XCL1: variants seen among roughly 807,000 people sequenced by gnomAD.
The protein encoded by XCL1 is X-C motif chemokine ligand 1.
Under a neutral mutation model 7.4 loss-of-function variants are expected in XCL1, and 6 were observed. The observed-to-expected ratio is 0.82, with a 90% CI of 0.45 to 1.61. The LOEUF (loss-of-function observed/expected upper bound fraction) is 1.61, where lower values mean the gene tolerates loss of function less well. XCL1 is among the 40% of genes most tolerant of loss of function. XCL1 has a pLI of 0.01. For missense variants in XCL1, 122 were observed against 138.2 expected (o/e 0.88, Z 0.59); for synonymous variants, 48 against 52.4 (o/e 0.92, Z 0.36).
At chr1:168,578,813 G>T (rs1168084754) in intron 1 of XCL1, 6 of 448,386 alleles carry the variant, frequency 1.3e-5, no homozygotes, top group Admixed American at 5.1e-5. Context: ...TGTCTTCCTG[G>T]TTAACTTGTG....
chr1:168,578,743 C>T (rs915522966), intron 1 of XCL1: 90 of 436,918 alleles, frequency 2.1e-4, no homozygotes, highest in Non-Finnish European at 3.5e-4. Context: ...TTGCAGATCT[C>T]ATCATATCCG....
intron 2 of XCL1, 76 bp downstream of exon 2, chr1:168,580,253 G>A (rs2050131): frequency 0.027 from 40,040 of 1,489,508 alleles, 693 homozygotes; most frequent in Non-Finnish European, 0.031. Context: ...AAATGCTGCC[G>A]TCCTCAGGAA....
intron 1 of XCL1, among the ~76,000 whole-genome samples, chr1:168,577,937 A>T (rs1179941502): frequency 2.0e-5 from 3 of 152,194 alleles, no homozygotes; most frequent in African/African-American, 7.2e-5. Context: ...GCTTTGACTC[A>T]ATTTTGCAAC....
intron 1 of XCL1, among the ~76,000 whole-genome samples, chr1:168,578,236 A>T (rs1209906446): frequency 6.6e-6 from 1 of 152,218 alleles, no homozygotes; most frequent in Admixed American, 6.5e-5. Flanking sequence ...ATGATGAAGA[A>T]AAGCACACAA....
chr1:168,581,186 A>G lies in XCL1; in HGVS notation c.311A>G (p.Gln104Arg). The G allele has an allele frequency of 1.2e-6, 2 of 1,613,806 alleles. No individual in the cohort carries two copies. The highest frequency in any genetic ancestry group is 1.7e-6 in the Non-Finnish European group (2 of 1,179,786). Residue 104 changes from glutamine to arginine, a missense_variant, in exon 3 of 3, where the codon CAA (glutamine) becomes CGA (arginine). Coordinates refer to ENST00000367818, the MANE Select transcript of XCL1 (RefSeq NM_002995.3). ...CAGACCAAGCCAACAGGAACCCAGCAATCGACCAATACAGCTGTGACTCTG... is the reference window on the plus strand; with the variant it reads ...CAGACCAAGCCAACAGGAACCCAGCGATCGACCAATACAGCTGTGACTCTG... ...MIQTKPTGTQ[Q>R]STNTAVTLTG
intron 1 of XCL1, 33 bp from the exon 2 acceptor site, chr1:168,580,030 T>G: frequency 3.1e-6 from 5 of 1,594,132 alleles, no homozygotes; most frequent in Non-Finnish European, 4.3e-6. Context: ...TTGCTTTATT[T>G]TTAATTGTCT....
rs1655181251 is a variant in XCL1, at chr1:168,581,917, G to T, written c.*697G>T. 1 of 152,092 alleles carries T rather than the reference G, an allele frequency of 6.6e-6. No individual in the cohort carries two copies. The highest frequency in any genetic ancestry group is 2.1e-4 in the South Asian group (1 of 4,828). 9.4% of individuals were successfully genotyped at this position (152,092 alleles called of 1,614,324 possible). A position where few individuals can be genotyped will look rare whatever the true frequency, so the allele number is the denominator to read the frequency against. ...GACAATAATCTCACTACCTTATTAG[G>T]ATTTCTGTATTTGCCATTACGCTAG... On this transcript the variant is annotated 3_prime_UTR_variant, in exon 3 of 3. Coordinates refer to ENST00000367818, the MANE Select transcript of XCL1 (RefSeq NM_002995.3).
intron 1 of XCL1, among the ~76,000 whole-genome samples, chr1:168,578,425 T>C (rs539192355): frequency 1.3e-5 from 2 of 152,246 alleles, no homozygotes; most frequent in African/African-American, 2.4e-5. Flanking sequence ...AAACTTGGAT[T>C]AGATTTCACC....
In XCL1 at chr1:168,580,117, G is replaced by T. The variant is rs370443176; in HGVS notation, c.116G>T (p.Arg39Leu). 63 of 1,613,010 alleles carry T rather than the reference G, an allele frequency of 3.9e-5. No homozygotes were observed. The highest frequency in any genetic ancestry group is 5.2e-5 in the Non-Finnish European group (61 of 1,179,526). ...KRTCVSLTTQ[R>L]LPVSRIKTYT... Reference sequence around the variant, plus strand: ...ACCTGTGTGAGCCTCACTACCCAGCGACTGCCGGTTAGCAGAATCAAGACC... The same window carrying T: ...ACCTGTGTGAGCCTCACTACCCAGCTACTGCCGGTTAGCAGAATCAAGACC... Residue 39 changes from arginine to leucine, a missense_variant, in exon 2 of 3, where the codon CGA (arginine) becomes CTA (leucine). Transcript: ENST00000367818.
Position 168,581,274 on chromosome 1 carries a change from G to C in XCL1, c.*54G>C, listed in dbSNP as rs15785. On this transcript the variant is annotated 3_prime_UTR_variant, in exon 3 of 3. Coordinates refer to ENST00000367818, the MANE Select transcript of XCL1 (RefSeq NM_002995.3). The stretch of plus-strand genomic sequence containing the variant: ...CCAGCCAGCTCATTTCACTTTACAC[G>C]CTCATGGACTGAGTTTATACTCACC... 0.11 allele frequency: 180,751 copies of C among 1,589,790 alleles called. 11,152 individuals are homozygous for C. Among genetic ancestry groups the C allele is most frequent in the East Asian group, 0.24 (10,541 of 44,438 alleles).
Position 168,581,032 on chromosome 1 carries a change from G to A in XCL1, c.177-20G>A. ...TTTGAGAATGTGGCTAACTTCGTCTGTCTTTTCCTTGCGTTACAGTTTTAT... is the reference window on the plus strand; with the variant it reads ...TTTGAGAATGTGGCTAACTTCGTCTATCTTTTCCTTGCGTTACAGTTTTAT... On this transcript the variant is annotated intron_variant, in intron 2 of 2. Coordinates refer to ENST00000367818, the MANE Select transcript of XCL1 (RefSeq NM_002995.3). 6.2e-7 allele frequency: 1 copy of A among 1,612,300 alleles called. No individual in the cohort carries two copies.
intron 2 of XCL1, among the ~76,000 whole-genome samples, chr1:168,580,548 C>G (rs1440067214): frequency 1.3e-5 from 2 of 152,046 alleles, no homozygotes; most frequent in Admixed American, 6.6e-5. Context: ...GAGTCCCATA[C>G]TTTTATCAGT....
chr1:168,581,177 G>A lies in XCL1; in HGVS notation c.302G>A (p.Gly101Glu), dbSNP rs555526797. The A allele has an allele frequency of 2.7e-5, 43 of 1,613,742 alleles. No homozygotes were observed. In the African/African-American group the frequency reaches 5.3e-4, roughly 20 times the overall value. Reference sequence around the variant, plus strand: ...AACATGATCCAGACCAAGCCAACAGGAACCCAGCAATCGACCAATACAGCT... The same window carrying A: ...AACATGATCCAGACCAAGCCAACAGAAACCCAGCAATCGACCAATACAGCT... Reference protein sequence around the residue: ...RNNMIQTKPTGTQQSTNTAVT... With the variant: ...RNNMIQTKPTETQQSTNTAVT... The change falls in exon 3 of 3, where the codon GGA becomes GAA. Residue 101 changes from glycine to glutamate, a missense_variant. Coordinates refer to ENST00000367818, the MANE Select transcript of XCL1 (RefSeq NM_002995.3).
At chr1:168,577,633 T>C (rs373803178) in intron 1 of XCL1, among the ~76,000 whole-genome samples, 5 of 152,246 alleles carry the variant, frequency 3.3e-5, no homozygotes, top group East Asian at 3.9e-4. Flanking sequence ...TGAATAAAGG[T>C]GGCTAAGTCT....
chr1:168,579,424 A>T (rs941484004), intron 1 of XCL1: 14 of 180,048 alleles, frequency 7.8e-5, no homozygotes, highest in East Asian at 3.5e-4. Context: ...TCCTTTGGCC[A>T]TCTTTCCTTT....
At chr1:168,579,102 T>C (rs887221611) in intron 1 of XCL1, 6 of 431,678 alleles carry the variant, frequency 1.4e-5, no homozygotes, top group Non-Finnish European at 2.3e-5. Context: ...AGTCTCTGCT[T>C]CTTCTCTTGC....
chr1:168,581,470 G>C lies in XCL1; in HGVS notation c.*250G>C. The C allele has an allele frequency of 3.1e-6, 1 of 323,336 alleles. No homozygotes were observed. The highest frequency in any genetic ancestry group is 5.3e-6 in the Non-Finnish European group (1 of 188,740). The allele number at this position is 323,336 out of a possible 1,614,324, so 20.0% of individuals were successfully genotyped here. A position where few individuals can be genotyped will look rare whatever the true frequency, so the allele number is the denominator to read the frequency against. On this transcript the variant is annotated 3_prime_UTR_variant, in exon 3 of 3. Coordinates refer to ENST00000367818, the MANE Select transcript of XCL1 (RefSeq NM_002995.3). ...AGTGTATCATTGTTGTTTGATTTCT[G>C]ACCTTGTACCTCTCTTTGATGGTAA...
At position 168,580,117 on chromosome 1, in the gene XCL1, G is replaced by C. The variant is rs370443176; in HGVS notation, c.116G>C (p.Arg39Pro). 6.2e-7 allele frequency: 1 copy of C among 1,613,138 alleles called. No individual in the cohort carries two copies. Among genetic ancestry groups the C allele is most frequent in the Non-Finnish European group, 8.5e-7 (1 of 1,179,530 alleles). Residue 39 changes from arginine (R) to proline (P), a missense_variant, in exon 2 of 3, where the codon CGA becomes CCA. By Grantham distance (103) the Arg-to-Pro change is moderately radical. Transcript: ENST00000367818. ...ACCTGTGTGAGCCTCACTACCCAGC[G>C]ACTGCCGGTTAGCAGAATCAAGACC... The part of the protein sequence containing the change: ...KRTCVSLTTQ[R>P]LPVSRIKTYT...
chr1:168,580,286 A>G, intron 2 of XCL1, 109 bp downstream of exon 2: 1 of 1,230,878 alleles, frequency 8.1e-7, no homozygotes. Flanking sequence ...ATAGAGGAAC[A>G]CCTCAACTTA....
Sources: gnomAD v4.1 joint callset for allele counts (sites outside exome capture counted in the v4.1 genomes callset) on GRCh38, gnomAD v4.1.1 for gene constraint, MANE v1.5 for transcripts, NCBI Gene and HGNC (gene_info 2026-07-23, HGNC 2026-07-21) for gene names.